Variants in ZHX2 observed in about 807,000 individuals in gnomAD.
The protein encoded by ZHX2 is zinc fingers and homeoboxes 2.
ZHX2 carries 6 observed loss-of-function variants against 21.9 expected under a neutral mutation model. That is an observed-to-expected ratio of 0.27 (90% CI 0.15 to 0.54). The LOEUF (loss-of-function observed/expected upper bound fraction) is 0.54, where lower values mean the gene tolerates loss of function less well. Among genes scored for constraint, ZHX2 ranks in the 20% least tolerant of loss-of-function variants. ZHX2 has a pLI of 0.95. For synonymous variants in ZHX2, 434 were observed against 437.1 expected (o/e 0.99, Z 0.09); for missense variants, 908 against 1,090.7 (o/e 0.83, Z 2.36).
At chr8:122,941,407 G>T (rs1274141843) in intron 2 of ZHX2, among the ~76,000 whole-genome samples, 1 of 152,202 alleles carries the variant, frequency 6.6e-6, no homozygotes, top group Non-Finnish European at 1.5e-5. Flanking sequence ...ACAGGAAATT[G>T]CTTCTTACGT....
At chr8:122,861,035 CAAAAAAA>C (rs36046690) in intron 1 of ZHX2, among the ~76,000 whole-genome samples, 10 of 66,768 alleles carry the variant, frequency 1.5e-4, no homozygotes, top group African/African-American at 4.3e-4. Context: ...GACTTCGTCT[CAAAAAAA>C]AAAAAAAAAA....
chr8:122,863,297 T>A (rs956217643), intron 1 of ZHX2, 180 bp from the exon 2 acceptor site: 1 of 143,942 alleles, frequency 6.9e-6, no homozygotes, highest in Non-Finnish European at 1.5e-5. Context: ...TTTCTCAGAA[T>A]CGCCACAAAG....
rs567334510 is a variant in ZHX2, at chr8:122,889,839, G to T, written c.-220+26300G>T. ...GCAGATTTTGGTATAGATGATGGAG[G>T]TTGGGGGATGGGGGGATCCTGGAAT... On this transcript the variant is annotated intron_variant, in intron 2 of 3. Transcript: ENST00000314393. Among the ~76,000 whole-genome samples the T allele has an allele frequency of 5.3e-5, 8 of 152,284 alleles. No individual in the cohort carries two copies. The East Asian group carries it at 1.2e-3, about 22-fold the overall frequency.
intron 1 of ZHX2, among the ~76,000 whole-genome samples, chr8:122,803,352 G>A (rs1586578643): frequency 2.0e-5 from 3 of 152,116 alleles, no homozygotes; most frequent in East Asian, 1.9e-4. Flanking sequence ...GCTTTCACTG[G>A]TGGAGGCCAT....
At chr8:122,876,615 A>G (rs1381000361) in intron 2 of ZHX2, among the ~76,000 whole-genome samples, 2 of 152,190 alleles carry the variant, frequency 1.3e-5, no homozygotes, top group African/African-American at 4.8e-5. Flanking sequence ...GAGGGTTGTC[A>G]CTTTTTTAAT....
At chr8:122,838,862 A>AC (rs1706496848) in intron 1 of ZHX2, among the ~76,000 whole-genome samples, 5 of 152,266 alleles carry the variant, frequency 3.3e-5, no homozygotes, top group Admixed American at 3.3e-4. Flanking sequence ...AGCGTGAGCC[A>AC]CCATGCCTGG....
At chr8:122,836,538 T>C (rs1818501942) in intron 1 of ZHX2, among the ~76,000 whole-genome samples, 1 of 152,200 alleles carries the variant, frequency 6.6e-6, no homozygotes, top group Non-Finnish European at 1.5e-5. Context: ...AGCAACATGC[T>C]GTTTTAATGA....
At chr8:122,900,819 A>G (rs1432298625) in intron 2 of ZHX2, among the ~76,000 whole-genome samples, 3 of 152,206 alleles carry the variant, frequency 2.0e-5, no homozygotes, top group African/African-American at 7.2e-5. Flanking sequence ...TTCCTGAACA[A>G]GAAGCTGTGA....
intron 2 of ZHX2, among the ~76,000 whole-genome samples, chr8:122,877,378 T>C (rs1279228031): frequency 6.6e-6 from 1 of 152,222 alleles, no homozygotes; most frequent in East Asian, 1.9e-4. Context: ...ATGGCTAACA[T>C]GTAGTAAGTG....
chr8:122,909,377 G>A (rs1820422094), intron 2 of ZHX2, among the ~76,000 whole-genome samples: 1 of 150,754 alleles, frequency 6.6e-6, no homozygotes, highest in South Asian at 2.1e-4. Context: ...AGGTTGCAGT[G>A]AATAAAGATC....
intron 2 of ZHX2, among the ~76,000 whole-genome samples, chr8:122,882,151 G>A (rs1243707126): frequency 6.6e-6 from 1 of 151,944 alleles, no homozygotes; most frequent in Non-Finnish European, 1.5e-5. Context: ...GTCTTAATCT[G>A]CCCCTGAGAT....
intron 1 of ZHX2, among the ~76,000 whole-genome samples, chr8:122,802,352 C>T (rs1817736751): frequency 6.6e-6 from 1 of 152,212 alleles, no homozygotes; most frequent in African/African-American, 2.4e-5. Context: ...CGTGAGCCAC[C>T]ATGCCCGGCT....
chr8:122,842,314 T>C (rs149159663), intron 1 of ZHX2, among the ~76,000 whole-genome samples: 14 of 152,342 alleles, frequency 9.2e-5, no homozygotes, highest in South Asian at 6.2e-4. Flanking sequence ...TTCCCCAGCC[T>C]ACTTCCTACC....
chr8:122,923,662 G>T (rs999139218), intron 2 of ZHX2, among the ~76,000 whole-genome samples: 1 of 152,188 alleles, frequency 6.6e-6, no homozygotes, highest in Non-Finnish European at 1.5e-5. Flanking sequence ...GCTGGTCCTG[G>T]AAGGAAAATC....
At chr8:122,931,686 T>C (rs4496973) in intron 2 of ZHX2, among the ~76,000 whole-genome samples, 91,722 of 151,948 alleles carry the variant, frequency 0.6, 27,767 homozygotes, top group Admixed American at 0.69. Context: ...CAAGATCACC[T>C]AGGGAACTTC....
chr8:122,880,397 C>G (rs1235831929), intron 2 of ZHX2, among the ~76,000 whole-genome samples: 1 of 152,082 alleles, frequency 6.6e-6, no homozygotes, highest in African/African-American at 2.4e-5. Context: ...GCACTCTGCC[C>G]TCTCCCCTCT....
At chr8:122,914,296 A>T (rs778423188) in intron 2 of ZHX2, among the ~76,000 whole-genome samples, 4 of 152,236 alleles carry the variant, frequency 2.6e-5, no homozygotes, top group Admixed American at 6.5e-5. Context: ...CTAAGCCAGA[A>T]GGGACAGAGA....
intron 1 of ZHX2, among the ~76,000 whole-genome samples, chr8:122,837,763 A>C (rs1818535831): frequency 6.6e-6 from 1 of 152,242 alleles, no homozygotes; most frequent in Non-Finnish European, 1.5e-5. Flanking sequence ...AGAATGCAGC[A>C]TTCACACTTG....
intron 2 of ZHX2, among the ~76,000 whole-genome samples, chr8:122,896,513 AC>A (rs1286065286): frequency 1.3e-5 from 2 of 152,258 alleles, no homozygotes; most frequent in East Asian, 3.8e-4. Flanking sequence ...ATTTTCATTT[AC>A]ATTTATTTAT....
Sources: allele counts gnomAD v4.1 joint callset (sites outside exome capture counted in the v4.1 genomes callset), GRCh38; gene constraint gnomAD v4.1.1; transcripts MANE v1.5; gene names NCBI Gene and HGNC (gene_info 2026-07-23, HGNC 2026-07-21).